Variants in DCHS2 observed in about 807,000 individuals in gnomAD.
The protein encoded by DCHS2 is protocadherin-23.
A neutral mutation model predicts 182.4 loss-of-function variants in DCHS2; 142 were observed. The observed-to-expected ratio is 0.78, with a 90% CI of 0.68 to 0.89. The LOEUF is 0.89. DCHS2 is among the 40% of genes least tolerant of loss of function. The pLI is 0.00. For missense variants in DCHS2, 4,319 were observed against 4,198.6 expected (o/e 1.03, Z -0.79); for synonymous variants, 1,740 against 1,663.3 (o/e 1.05, Z -1.12).
At chr4:154,417,217 G>GAC (rs1374881468) in intron 1 of DCHS2, among the ~76,000 whole-genome samples, 2 of 96,704 alleles carry the variant, frequency 2.1e-5, no homozygotes, top group African/African-American at 7.2e-5. Context: ...GAGAGAGAGA[G>GAC]AGAGAGAGAG....
At chr4:154,436,869 T>C (rs181913918) in intron 1 of DCHS2, among the ~76,000 whole-genome samples, 38 of 152,336 alleles carry the variant, frequency 2.5e-4, no homozygotes, top group Non-Finnish European at 5.0e-4. Flanking sequence ...AAACAAAGTA[T>C]GTAAAATATC....
At chr4:154,329,337 T>C (rs1350849632) in intron 6 of DCHS2, among the ~76,000 whole-genome samples, 186 bp downstream of exon 6, 1 of 152,212 alleles carries the variant, frequency 6.6e-6, no homozygotes, top group African/African-American at 2.4e-5. Flanking sequence ...AAAGAGCACA[T>C]ATATTCATTT....
At chr4:154,405,899 A>T (rs1424849184) in intron 1 of DCHS2, among the ~76,000 whole-genome samples, 1 of 152,176 alleles carries the variant, frequency 6.6e-6, no homozygotes, top group East Asian at 1.9e-4. Flanking sequence ...GATACATTGT[A>T]AATAGCCTGA....
intron 10 of DCHS2, among the ~76,000 whole-genome samples, chr4:154,308,853 C>T (rs967526594): frequency 8.5e-5 from 13 of 152,232 alleles, no homozygotes; most frequent in East Asian, 5.8e-4. Context: ...TAAGCAAGCT[C>T]GCAGTGACAA....
chr4:154,282,163 CA>C (rs943715794), intron 13 of DCHS2, among the ~76,000 whole-genome samples: 1 of 151,432 alleles, frequency 6.6e-6, no homozygotes, highest in Non-Finnish European at 1.5e-5. Flanking sequence ...GCAACAAAAG[CA>C]AAAAAATAGA....
intron 7 of DCHS2, among the ~76,000 whole-genome samples, chr4:154,323,528 A>G (rs924267900): frequency 6.6e-6 from 1 of 152,122 alleles, no homozygotes; most frequent in Non-Finnish European, 1.5e-5. Flanking sequence ...TGCACAGCCT[A>G]GATCCATTAA....
intron 1 of DCHS2, among the ~76,000 whole-genome samples, chr4:154,390,083 CT>C (rs905913677): frequency 1.1e-4 from 17 of 150,368 alleles, no homozygotes; most frequent in South Asian, 6.3e-4. Flanking sequence ...TGTTGATACT[CT>C]TTTTTTTTAT....
intron 3 of DCHS2, among the ~76,000 whole-genome samples, chr4:154,354,539 G>A (rs1429655089): frequency 6.6e-6 from 1 of 152,010 alleles, no homozygotes; most frequent in African/African-American, 2.4e-5. Flanking sequence ...TCTTTAGTAC[G>A]ACCCTCATTA....
At position 154,332,598 on chromosome 4, in the gene DCHS2, G is replaced by T. The variant is rs1736584869; in HGVS notation, c.3610C>A (p.Pro1204Thr). 3 of 1,614,162 alleles carry T rather than the reference G, an allele frequency of 1.9e-6. No homozygotes were observed. Among genetic ancestry groups the T allele is most frequent in the Non-Finnish European group, 2.5e-6 (3 of 1,180,038 alleles). Residue 1204 changes from proline (P) to threonine (T), a missense_variant, in exon 5 of 20, where the codon CCT (proline) becomes ACT (threonine). By Grantham distance (38) the Pro-to-Thr change is conservative. Transcript: ENST00000357232. ...DVLFLKVEESPVPQGVIGKIT... is the reference protein window; with the variant it reads ...DVLFLKVEESTVPQGVIGKIT... The stretch of plus-strand genomic sequence containing the variant: ...TTGCCTATTACCCCTTGGGGAACAG[G>T]GCTCTCTTCGACTTTCAAAAACAAC...
intron 1 of DCHS2, among the ~76,000 whole-genome samples, chr4:154,381,375 T>C (rs571137264): frequency 8.6e-5 from 13 of 152,026 alleles, no homozygotes; most frequent in Non-Finnish European, 1.9e-4. Flanking sequence ...AAATAATTTT[T>C]ATCAGACAAG....
intron 1 of DCHS2, among the ~76,000 whole-genome samples, chr4:154,396,994 T>C (rs575228486): frequency 7.3e-4 from 111 of 152,322 alleles, no homozygotes; most frequent in African/African-American, 2.5e-3. Flanking sequence ...GTAGGAATAA[T>C]AGCCTAAGAC....
chr4:154,295,200 A>G (rs1734867447), intron 13 of DCHS2, among the ~76,000 whole-genome samples: 1 of 152,202 alleles, frequency 6.6e-6, no homozygotes, highest in South Asian at 2.1e-4. Flanking sequence ...GCAAAGATAA[A>G]AACTGCTTTG....
At chr4:154,409,156 G>A (rs549482965) in intron 1 of DCHS2, among the ~76,000 whole-genome samples, 118 of 152,268 alleles carry the variant, frequency 7.7e-4, no homozygotes, top group African/African-American at 2.7e-3. Flanking sequence ...GCAGTACCCT[G>A]TTTCCCTGGA....
chr4:154,309,782 A>T (rs1735599744), intron 10 of DCHS2, among the ~76,000 whole-genome samples: 1 of 152,210 alleles, frequency 6.6e-6, no homozygotes. Context: ...CGATTAATTA[A>T]ATTATCAATC....
chr4:154,281,511 A>G (rs1046802539), intron 13 of DCHS2, among the ~76,000 whole-genome samples: 6 of 152,200 alleles, frequency 3.9e-5, no homozygotes, highest in African/African-American at 9.6e-5. Context: ...ATTTCAAAAC[A>G]TTACTGAAGG....
intron 16 of DCHS2, among the ~76,000 whole-genome samples, chr4:154,251,132 C>T (rs2111137957): frequency 6.6e-6 from 1 of 152,270 alleles, no homozygotes; most frequent in East Asian, 1.9e-4. Context: ...AGTCCATTTC[C>T]TACGTTGCCT....
intron 13 of DCHS2, among the ~76,000 whole-genome samples, chr4:154,279,595 CA>C (rs1247447071): frequency 6.6e-6 from 1 of 151,870 alleles, no homozygotes; most frequent in Non-Finnish European, 1.5e-5. Context: ...AGTAAATTCT[CA>C]AGTACATGGA....
chr4:154,483,062 G>A (rs1735983330), intron 1 of DCHS2, among the ~76,000 whole-genome samples: 1 of 152,158 alleles, frequency 6.6e-6, no homozygotes, highest in African/African-American at 2.4e-5. Context: ...TTATCACTTG[G>A]AATTACTCCA....
Position 154,332,905 on chromosome 4 carries a change from T to C in DCHS2, c.3303A>G (p.Thr1101=), listed in dbSNP as rs779273073. The change falls in exon 5 of 20, where the codon ACA becomes ACG. Residue 1101 remains threonine (T), a synonymous_variant. Coordinates refer to ENST00000357232, the MANE Select transcript of DCHS2 (RefSeq NM_001358235.2). The stretch of plus-strand genomic sequence containing the variant: ...GGTGCGCCTGTGTTTGCAGCATTTG[T>C]GTCATCGGTGAGAGAGACTCACTGA... The part of the protein sequence containing the change: ...VEVSESLSPM[T]QMLQTQAHPL... 7.4e-6 allele frequency: 12 copies of C among 1,614,226 alleles called. No individual in the cohort carries two copies. The highest frequency in any genetic ancestry group is 4.0e-5 in the African/African-American group (3 of 75,064).
Sources: gnomAD v4.1 joint callset for allele counts (sites outside exome capture counted in the v4.1 genomes callset) on GRCh38, gnomAD v4.1.1 for gene constraint, MANE v1.5 for transcripts, NCBI Gene and HGNC (gene_info 2026-07-23, HGNC 2026-07-21) for gene names.